Variants in MCM5 observed in about 807,000 individuals in gnomAD.
MCM5 encodes the protein minichromosome maintenance complex component 5.
Under a neutral mutation model 79.9 loss-of-function variants are expected in MCM5, and 46 were observed. The observed-to-expected ratio is 0.58, with a 90% CI of 0.45 to 0.74. The LOEUF (loss-of-function observed/expected upper bound fraction) is 0.74. Among genes scored for constraint, MCM5 ranks in the 30% least tolerant of loss-of-function variants. The probability of loss-of-function intolerance (pLI) is 0.00; values close to 1 mark genes in which losing one functional copy is unlikely to be tolerated. For synonymous variants in MCM5, 404 were observed against 390.5 expected (o/e 1.03, Z -0.41); for missense variants, 883 against 1,017.0 (o/e 0.87, Z 1.79).
chr22:35,425,876 A>AG (rs1178808652), downstream of MCM5, among the ~76,000 whole-genome samples: 1 of 152,156 alleles, frequency 6.6e-6, no homozygotes, highest in African/African-American at 2.4e-5. Context: ...TCTGTTTTAC[A>AG]GGTGGAGAAA....
At chr22:35,406,849 G>C in intron 5 of MCM5, 124 bp downstream of exon 5, 2 of 1,036,286 alleles carry the variant, frequency 1.9e-6, no homozygotes, top group Non-Finnish European at 2.8e-6. Context: ...CTGGGCAGGG[G>C]TGTGCCCTTA....
chr22:35,408,550 C>G lies in MCM5; in HGVS notation c.739C>G (p.Leu247Val). 6.2e-7 allele frequency: 1 copy of G among 1,609,966 alleles called. No homozygotes were observed. Among genetic ancestry groups the G allele is most frequent in the Non-Finnish European group, 8.5e-7 (1 of 1,176,590 alleles). The change falls in exon 6 of 17, where the codon CTC becomes GTC. Residue 247 changes from leucine to valine, a missense_variant. Physicochemically the swap from Leu to Val is conservative, Grantham distance 32 (BLOSUM62 1). Around this residue, in one of 3 missense-constraint regions of MCM5, gnomAD observed 455 missense variants for 517.5 expected, o/e 0.88. Coordinates refer to ENST00000216122, the MANE Select transcript of MCM5 (RefSeq NM_006739.4). ...PHGEMPRHMQ[L>V]YCDRYLCDKV... The stretch of plus-strand genomic sequence containing the variant: ...CGGGGAGATGCCCAGACACATGCAG[C>G]TCTACTGCGACAGGTGAGGCAGACG...
At chr22:35,452,653 C>G in the MCM5 span, among the ~76,000 whole-genome samples, 1 of 152,172 alleles carries the variant, frequency 6.6e-6, no homozygotes, top group East Asian at 1.9e-4. Flanking sequence ...GCACTGGAAG[C>G]CTGGCTTTTC....
intron 13 of MCM5, among the ~76,000 whole-genome samples, chr22:35,419,529 G>A (rs907183846): frequency 3.3e-5 from 5 of 152,200 alleles, no homozygotes; most frequent in Non-Finnish European, 5.9e-5. Flanking sequence ...CCTCCATGCC[G>A]CTGTGATTGT....
chr22:35,453,586 GAC>G, the MCM5 span, among the ~76,000 whole-genome samples: 1 of 149,162 alleles, frequency 6.7e-6, no homozygotes, highest in African/African-American at 2.4e-5. Flanking sequence ...CAGAGAGACA[GAC>G]AGAGATAGAG....
chr22:35,429,344 T>G (rs1376820769), downstream of MCM5, among the ~76,000 whole-genome samples: 2 of 151,956 alleles, frequency 1.3e-5, no homozygotes, highest in Admixed American at 1.3e-4. Context: ...GATGAGAAAT[T>G]GAGGCTACAA....
At chr22:35,415,494 C>T (rs1338906138) in intron 9 of MCM5, among the ~76,000 whole-genome samples, 2 of 152,306 alleles carry the variant, frequency 1.3e-5, no homozygotes, top group African/African-American at 2.4e-5. Context: ...GAGTCCTCAT[C>T]CTAGCCCTGA....
rs1397112777 is a variant in MCM5, at chr22:35,406,306, C to CCCA, written c.424-246_424-245insCAC. On this transcript the variant is annotated intron_variant, in intron 4 of 16. Coordinates refer to ENST00000216122, the MANE Select transcript of MCM5 (RefSeq NM_006739.4). ...ATCTCTTGCCCTGCCACCTCCCCCC[C>CCCA]CAATTGTGCTGCGAGGTCTTTAAAA... 2.2e-4 allele frequency among the ~76,000 whole-genome samples: 31 copies of CCCA among 142,240 alleles called. 1 individual carries two copies. Among genetic ancestry groups the CCCA allele is most frequent in the Non-Finnish European group, 4.1e-4 (27 of 65,182 alleles). 93.3% of individuals were successfully genotyped at this position (142,240 alleles called of 152,430 possible).
chr22:35,434,979 C>T, the MCM5 span, among the ~76,000 whole-genome samples: 2 of 152,114 alleles, frequency 1.3e-5, no homozygotes, highest in African/African-American at 4.8e-5. Flanking sequence ...TGGCAAAACC[C>T]CATCTCTACT....
the MCM5 span, among the ~76,000 whole-genome samples, chr22:35,431,622 A>T: frequency 6.6e-6 from 1 of 152,000 alleles, no homozygotes. Context: ...TTAGAATTAG[A>T]TGGGATTTCT....
intron 14 of MCM5, among the ~76,000 whole-genome samples, 157 bp downstream of exon 14, chr22:35,420,169 C>T (rs779824224): frequency 6.6e-6 from 1 of 152,226 alleles, no homozygotes. Context: ...AAACTATGGC[C>T]TCCTTGATCT....
chr22:35,439,924 A>T, the MCM5 span, among the ~76,000 whole-genome samples: 1 of 152,216 alleles, frequency 6.6e-6, no homozygotes, highest in Non-Finnish European at 1.5e-5. Context: ...CACCTTCCTT[A>T]TACATTGATT....
At chr22:35,411,663 C>G (rs1447162925) in intron 7 of MCM5, among the ~76,000 whole-genome samples, 4 of 152,132 alleles carry the variant, frequency 2.6e-5, no homozygotes. Context: ...TGAATTGATT[C>G]AGAGGGGTGG....
At chr22:35,438,320 C>A in the MCM5 span, among the ~76,000 whole-genome samples, 1 of 36,252 alleles carries the variant, frequency 2.8e-5, no homozygotes, top group East Asian at 4.0e-4. Flanking sequence ...TCCGTTCATC[C>A]GTCCATCTAT....
intron 13 of MCM5, among the ~76,000 whole-genome samples, chr22:35,418,659 C>CAA (rs60538141): frequency 8.3e-6 from 1 of 121,134 alleles, no homozygotes; most frequent in African/African-American, 3.6e-5. Flanking sequence ...GACTCTGTCT[C>CAA]AAAAAAAAAA....
intron 15 of MCM5, chr22:35,422,792 T>C (rs1009237265): frequency 1.3e-5 from 2 of 154,600 alleles, no homozygotes; most frequent in African/African-American, 4.8e-5. Flanking sequence ...GGGCACCTCG[T>C]AGATGTGTCC....
intron 12 of MCM5, among the ~76,000 whole-genome samples, chr22:35,417,109 G>A (rs1408220996): frequency 6.6e-6 from 1 of 152,168 alleles, no homozygotes; most frequent in Admixed American, 6.5e-5. Context: ...AGTTGACATT[G>A]GGTTATGAGT....
Position 35,407,940 on chromosome 22 carries a change from T to C in MCM5, c.597-468T>C, listed in dbSNP as rs4645769. On this transcript the variant is annotated intron_variant, in intron 5 of 16. Transcript: ENST00000216122. ...TAGTAGGTTTTGCTATGATGTTTACTTCTTTATGTTGCTATAATATCTATT... is the reference window on the plus strand; with the variant it reads ...TAGTAGGTTTTGCTATGATGTTTACCTCTTTATGTTGCTATAATATCTATT... Among the ~76,000 whole-genome samples the C allele has an allele frequency of 2.0e-5, 3 of 152,336 alleles. No individual in the cohort carries two copies. The East Asian group carries it at 5.8e-4, about 29-fold the overall frequency.
At chr22:35,401,857 G>T in intron 2 of MCM5, 1 of 377,342 alleles carries the variant, frequency 2.7e-6, no homozygotes, top group Admixed American at 3.3e-5. Flanking sequence ...TGAAGTTTGA[G>T]GGGACCTTTG....
Sources: gnomAD v4.1 joint callset for allele counts (sites outside exome capture counted in the v4.1 genomes callset) on GRCh38, gnomAD v4.1.1 for gene constraint, gnomAD v4.1.1 regional missense constraint, MANE v1.5 for transcripts, NCBI Gene and HGNC (gene_info 2026-07-23, HGNC 2026-07-21) for gene names.